The following CNTNAP2 variants were observed in gnomAD, a reference collection of about 807,000 sequenced individuals.
The protein encoded by CNTNAP2 is contactin associated protein 2.
CNTNAP2 carries 98 observed loss-of-function variants against 155.2 expected under a neutral mutation model. That is an observed-to-expected ratio of 0.63 (90% CI 0.54 to 0.75). The LOEUF is 0.75. CNTNAP2 is among the 30% of genes least tolerant of loss of function. The pLI, the probability that CNTNAP2 is intolerant of heterozygous loss-of-function variation, is 0.00. For missense variants in CNTNAP2, 1,727 were observed against 1,688.1 expected (o/e 1.02, Z -0.40); for synonymous variants, 651 against 631.2 (o/e 1.03, Z -0.47).
At chr7:147,468,841 CT>C (rs1158173056) in intron 10 of CNTNAP2, among the ~76,000 whole-genome samples, 51 of 56,984 alleles carry the variant, frequency 8.9e-4, no homozygotes, top group Middle Eastern at 6.4e-3. Flanking sequence ...TCTTCTTCTT[CT>C]TTTTTTTTTT....
chr7:147,462,366 A>G (rs1227082772), intron 10 of CNTNAP2, among the ~76,000 whole-genome samples: 2 of 151,324 alleles, frequency 1.3e-5, no homozygotes, highest in African/African-American at 4.9e-5. Flanking sequence ...TCATTTATAA[A>G]CAAGAATGTA....
At chr7:146,936,360 C>T (rs931182427) in intron 3 of CNTNAP2, among the ~76,000 whole-genome samples, 1 of 152,158 alleles carries the variant, frequency 6.6e-6, no homozygotes, top group Admixed American at 6.5e-5. Flanking sequence ...CTCCTGCAAA[C>T]AGGACGTTTC....
intron 10 of CNTNAP2, among the ~76,000 whole-genome samples, chr7:147,448,493 T>C (rs1797779577): frequency 6.6e-6 from 1 of 150,470 alleles, no homozygotes; most frequent in South Asian, 2.1e-4. Flanking sequence ...TGTATATATA[T>C]ATATATATAT....
intron 8 of CNTNAP2, among the ~76,000 whole-genome samples, chr7:147,162,735 G>A (rs532812951): frequency 1.3e-5 from 2 of 152,160 alleles, no homozygotes; most frequent in South Asian, 4.2e-4. Flanking sequence ...CGGTAATTTT[G>A]GCTAATGTAT....
intron 1 of CNTNAP2, among the ~76,000 whole-genome samples, chr7:146,137,385 A>G (rs1797812468): frequency 6.6e-6 from 1 of 152,176 alleles, no homozygotes; most frequent in Non-Finnish European, 1.5e-5. Flanking sequence ...CCACATGAAA[A>G]TAGGACTGTT....
chr7:146,497,816 T>C (rs1290879392), intron 1 of CNTNAP2, among the ~76,000 whole-genome samples: 1 of 148,726 alleles, frequency 6.7e-6, no homozygotes, highest in Non-Finnish European at 1.5e-5. Flanking sequence ...ATACATTATA[T>C]GTATGTAATT....
At chr7:147,608,524 G>GCTC (rs889088602) in intron 12 of CNTNAP2, among the ~76,000 whole-genome samples, 3 of 151,888 alleles carry the variant, frequency 2.0e-5, no homozygotes, top group Non-Finnish European at 4.4e-5. Context: ...CTGGTCTCAA[G>GCTC]CTCCTGGGTT....
At chr7:148,210,470 T>C (rs2116744884) in intron 18 of CNTNAP2, among the ~76,000 whole-genome samples, 1 of 152,356 alleles carries the variant, frequency 6.6e-6, no homozygotes, top group South Asian at 2.1e-4. Flanking sequence ...TGTTCAGTGG[T>C]GCTGCTCTTA....
chr7:146,263,517 G>A (rs1799951481), intron 1 of CNTNAP2, among the ~76,000 whole-genome samples: 1 of 152,106 alleles, frequency 6.6e-6, no homozygotes, highest in Non-Finnish European at 1.5e-5. Context: ...AACCTCATGG[G>A]CAGATTAGGC....
chr7:147,260,829 C>T (rs998406495), intron 8 of CNTNAP2, among the ~76,000 whole-genome samples: 10 of 152,188 alleles, frequency 6.6e-5, no homozygotes, highest in Non-Finnish European at 1.5e-5. Flanking sequence ...TAGTGATTCT[C>T]AAAATGTGGT....
At chr7:147,244,228 C>G (rs1462786620) in intron 8 of CNTNAP2, among the ~76,000 whole-genome samples, 1 of 152,206 alleles carries the variant, frequency 6.6e-6, no homozygotes, top group African/African-American at 2.4e-5. Context: ...CCAACCTACT[C>G]TCCACAGAGT....
chr7:147,674,503 T>C (rs1554420726), intron 13 of CNTNAP2, among the ~76,000 whole-genome samples: 1 of 152,138 alleles, frequency 6.6e-6, no homozygotes, highest in Non-Finnish European at 1.5e-5. Context: ...CATTCTATTG[T>C]AAAAAATGAG....
At chr7:148,236,691 G>A (rs904843984) in intron 20 of CNTNAP2, among the ~76,000 whole-genome samples, 10 of 152,026 alleles carry the variant, frequency 6.6e-5, no homozygotes, top group African/African-American at 2.4e-4. Context: ...AATTCATAAA[G>A]AAAAAAAAGG....
chr7:147,564,675 CTAGTCT>C (rs1322319341), intron 12 of CNTNAP2, among the ~76,000 whole-genome samples: 5 of 152,164 alleles, frequency 3.3e-5, no homozygotes, highest in Non-Finnish European at 7.3e-5. Context: ...ACACACAGGA[CTAGTCT>C]ACTCTCAGGA....
intron 8 of CNTNAP2, among the ~76,000 whole-genome samples, chr7:147,212,346 A>T (rs190239322): frequency 9.9e-5 from 15 of 152,276 alleles, no homozygotes; most frequent in Admixed American, 9.8e-4. Context: ...CAACCTAGGT[A>T]CCCATCAATG....
At chr7:146,545,439 C>T (rs1298892566) in intron 1 of CNTNAP2, among the ~76,000 whole-genome samples, 1 of 151,078 alleles carries the variant, frequency 6.6e-6, no homozygotes, top group East Asian at 1.9e-4. Context: ...TTGGCTGCAC[C>T]CATCAACCCA....
chr7:146,312,992 C>T (rs1203334145), intron 1 of CNTNAP2, among the ~76,000 whole-genome samples: 2 of 152,094 alleles, frequency 1.3e-5, no homozygotes, highest in African/African-American at 4.8e-5. Flanking sequence ...CATATCTTGG[C>T]TATTGTGAAT....
intron 11 of CNTNAP2, among the ~76,000 whole-genome samples, chr7:147,509,401 G>A (rs1798975466): frequency 6.6e-6 from 1 of 152,142 alleles, no homozygotes; most frequent in African/African-American, 2.4e-5. Context: ...TATAATGAAT[G>A]GAAATTCCAT....
chr7:148,383,714 A>G lies in CNTNAP2; in HGVS notation c.3541A>G (p.Arg1181Gly), dbSNP rs776243177. ...CCCAGGATTCACTGGTTGCCTCTCCAGAGTCCAGTTCAACCAGATCGCCCC... is the reference window on the plus strand; with the variant it reads ...CCCAGGATTCACTGGTTGCCTCTCCGGAGTCCAGTTCAACCAGATCGCCCC... The part of the protein sequence containing the change: ...NTPGFTGCLS[R>G]VQFNQIAPLK... The change falls in exon 22 of 24, where the codon AGA becomes GGA. Residue 1181 changes from arginine to glycine, a missense_variant. Coordinates refer to ENST00000361727, the MANE Select transcript of CNTNAP2 (RefSeq NM_014141.6). The G allele has an allele frequency of 8.7e-6, 14 of 1,614,104 alleles. No homozygotes were observed. Among genetic ancestry groups the G allele is most frequent in the South Asian group, 1.1e-5 (1 of 91,086 alleles).
Sources: gnomAD v4.1 joint callset for allele counts (sites outside exome capture counted in the v4.1 genomes callset) on GRCh38, gnomAD v4.1.1 for gene constraint, MANE v1.5 for transcripts, NCBI Gene and HGNC (gene_info 2026-07-23, HGNC 2026-07-21) for gene names.